PLA2G6: variants seen among roughly 807,000 people sequenced by gnomAD.
The protein encoded by PLA2G6 is phospholipase A2 group VI, also known as 85/88 kDa calcium-independent phospholipase A2.
Under a neutral mutation model 83.8 loss-of-function variants are expected in PLA2G6, and 62 were observed. The ratio of observed to expected loss-of-function variants is 0.74; its 90% CI spans 0.60 to 0.91. The LOEUF is 0.91. Among genes scored for constraint, PLA2G6 ranks in the 40% least tolerant of loss-of-function variants. The pLI is 0.00. For missense variants in PLA2G6, 944 were observed against 1,102.0 expected (o/e 0.86, Z 2.03); for synonymous variants, 417 against 449.8 (o/e 0.93, Z 0.92).
intron 2 of PLA2G6, among the ~76,000 whole-genome samples, chr22:38,154,501 C>T (rs1438546054): frequency 6.6e-6 from 1 of 152,222 alleles, no homozygotes; most frequent in African/African-American, 2.4e-5. Flanking sequence ...CCAAGACCAC[C>T]CAAGTGGTAC....
At chr22:38,178,240 G>A (rs894028609) in intron 1 of PLA2G6, among the ~76,000 whole-genome samples, 11 of 152,106 alleles carry the variant, frequency 7.2e-5, no homozygotes, top group Admixed American at 7.2e-4. Flanking sequence ...ATGGATTGTG[G>A]CAGGCATTGT....
rs1332123224 is a variant in PLA2G6 at position 38,164,055 on chromosome 22, G to A, written c.209+5163C>T. Among the ~76,000 whole-genome samples, 4 of 152,270 alleles carry A rather than the reference G, an allele frequency of 2.6e-5. No homozygotes were observed. In the East Asian group the frequency reaches 7.7e-4, roughly 29 times the overall value. On this transcript the variant is annotated intron_variant, in intron 2 of 16. Transcript: ENST00000332509. ...CTGCTGAGATACCAGTGAGAGGCTG[G>A]TTGATTTCATCAAATGTCATCTGTT...
chr22:38,148,565 C>T lies in PLA2G6; in HGVS notation c.210-2912G>A, dbSNP rs116604972. ...GCTGTTACTGGAGAGGATGGGCAGA[C>T]GAGCAGCACCAGTAACAGCCTCATG... On this transcript the variant is annotated intron_variant, in intron 2 of 16. Coordinates refer to ENST00000332509, the MANE Select transcript of PLA2G6 (RefSeq NM_003560.4). The T allele has an allele frequency of 4.3e-3, 3,091 of 717,072 alleles. 73 individuals carry two copies. The African/African-American group carries it at 0.048, about 11-fold the overall frequency. 44.4% of individuals were successfully genotyped at this position (717,072 alleles called of 1,614,324 possible).
intron 9 of PLA2G6, 99 bp from the exon 10 acceptor site, chr22:38,126,548 G>A (rs1348243592): frequency 4.8e-5 from 40 of 830,936 alleles, no homozygotes; most frequent in Non-Finnish European, 6.9e-5. Flanking sequence ...CCTCGCCCAC[G>A]GCCACGCCCT....
In PLA2G6 at chr22:38,111,510, A is replaced by G. The variant is rs1461074274; in HGVS notation, c.*651T>C. 1.2e-5 allele frequency: 2 copies of G among 161,732 alleles called. No homozygotes were observed. Among genetic ancestry groups the G allele is most frequent in the East Asian group, 3.7e-4 (2 of 5,440 alleles). 10.0% of individuals were successfully genotyped at this position (161,732 alleles called of 1,614,324 possible). A position where few individuals can be genotyped will look rare whatever the true frequency, so the allele number is the denominator to read the frequency against. ...ACAACACAGGTGAACTTGAATCCAAATGATTTATTTCAGTTTTGGCTCTTA... is the reference window on the plus strand; with the variant it reads ...ACAACACAGGTGAACTTGAATCCAAGTGATTTATTTCAGTTTTGGCTCTTA... On this transcript the variant is annotated 3_prime_UTR_variant, in exon 17 of 17. Transcript: ENST00000332509.
At chr22:38,180,563 C>T (rs988003411) in intron 1 of PLA2G6, among the ~76,000 whole-genome samples, 2 of 152,162 alleles carry the variant, frequency 1.3e-5, no homozygotes, top group Non-Finnish European at 1.5e-5. Flanking sequence ...AGGTGATGAA[C>T]AAACACTGCC....
At chr22:38,145,733 G>A (rs767784533) in intron 2 of PLA2G6, 80 bp from the exon 3 acceptor site, 2 of 950,924 alleles carry the variant, frequency 2.1e-6, no homozygotes, top group Non-Finnish European at 3.2e-6. Context: ...GGAATCAGAA[G>A]GTCCCCAGGC....
chr22:38,173,721 G>A (rs1267823267), intron 1 of PLA2G6, among the ~76,000 whole-genome samples: 2 of 152,124 alleles, frequency 1.3e-5, no homozygotes, highest in Non-Finnish European at 2.9e-5. Context: ...TCAAGAAACT[G>A]AGGCCCAGAG....
intron 2 of PLA2G6, chr22:38,147,273 A>G (rs2089310952): frequency 6.3e-6 from 1 of 158,706 alleles, no homozygotes; most frequent in East Asian, 1.9e-4. Context: ...CAAAACCATA[A>G]CCATTATATG....
chr22:38,166,918 G>C (rs1188634771), intron 2 of PLA2G6, among the ~76,000 whole-genome samples: 1 of 151,914 alleles, frequency 6.6e-6, no homozygotes, highest in South Asian at 2.1e-4. Context: ...CCACCTCCAC[G>C]GATTGGCAGA....
At chr22:38,164,306 C>T (rs1372798795) in intron 2 of PLA2G6, among the ~76,000 whole-genome samples, 2 of 152,164 alleles carry the variant, frequency 1.3e-5, no homozygotes, top group East Asian at 1.9e-4. Flanking sequence ...GAAAGGTAAA[C>T]GAGTGGGTTC....
At chr22:38,145,905 G>A (rs750389595) in intron 2 of PLA2G6, 20 of 494,516 alleles carry the variant, frequency 4.0e-5, no homozygotes, top group Non-Finnish European at 7.1e-5. Flanking sequence ...ACAAGGTCTT[G>A]CTCTGTAACC....
At chr22:38,127,299 AG>A in intron 9 of PLA2G6, 1 of 1,267,766 alleles carries the variant, frequency 7.9e-7, no homozygotes, top group Non-Finnish European at 1.0e-6. Context: ...GGTGCAGGGG[AG>A]GGGGCGTGTG....
rs1189276477 is a variant in PLA2G6 at position 38,113,589 on chromosome 22, T to G, written c.2100A>C (p.Gln700His). The G allele has an allele frequency of 6.2e-7, 1 of 1,613,328 alleles. No homozygotes were observed. Among genetic ancestry groups the G allele is most frequent in the African/African-American group, 1.3e-5 (1 of 74,906 alleles). Residue 700 changes from glutamine (Q) to histidine (H), a missense_variant, in exon 15 of 17, where the codon CAA (glutamine) becomes CAC (histidine). Coordinates refer to ENST00000332509, the MANE Select transcript of PLA2G6 (RefSeq NM_003560.4). ...AGACATCCACACAGGTCACAGGCACTTGTGGGGACCTCCCTGTCCCCAGGG... is the reference window on the plus strand; with the variant it reads ...AGACATCCACACAGGTCACAGGCACGTGTGGGGACCTCCCTGTCCCCAGGG... ...VVSLGTGRSP[Q>H]VPVTCVDVFR...
intron 1 of PLA2G6, among the ~76,000 whole-genome samples, chr22:38,181,290 CAGG>C (rs1443070899): frequency 1.3e-5 from 2 of 152,114 alleles, no homozygotes; most frequent in East Asian, 3.9e-4. Flanking sequence ...GGAGGAAAGG[CAGG>C]AGAAGCAGGG....
intron 2 of PLA2G6, among the ~76,000 whole-genome samples, chr22:38,159,071 C>T (rs577715154): frequency 1.7e-4 from 26 of 152,058 alleles, no homozygotes; most frequent in African/African-American, 4.6e-4. Flanking sequence ...TGGTGGTGGG[C>T]GCCTGTAATC....
At position 38,121,115 on chromosome 22, in the gene PLA2G6, C is replaced by A. The variant is rs140582878; in HGVS notation, c.1592-206G>T. 9.4e-4 allele frequency: 517 copies of A among 550,132 alleles called. 2 individuals carry two copies. Among genetic ancestry groups the A allele is most frequent in the African/African-American group, 8.9e-3 (470 of 52,702 alleles). The allele number at this position is 550,132 out of a possible 1,614,324, so 34.1% of individuals were successfully genotyped here. ...CCTTCCGGCTGGACATGGTGGCTCG[C>A]GCCTGTAATCCCAGCACTTTGGGAG... On this transcript the variant is annotated intron_variant, in intron 11 of 16. Transcript: ENST00000332509.
chr22:38,152,405 C>T (rs1478840322), intron 2 of PLA2G6, among the ~76,000 whole-genome samples: 1 of 147,800 alleles, frequency 6.8e-6, no homozygotes, highest in East Asian at 2.2e-4. Flanking sequence ...AGGGTTTCTC[C>T]ATGTTGGTCA....
Position 38,143,411 on chromosome 22 carries a change from A to G in PLA2G6, c.426-123T>C, listed in dbSNP as rs796246408. On this transcript the variant is annotated intron_variant, in intron 3 of 16. Transcript: ENST00000332509. ...GGACTTTCTGGTTTATTTGAGCTCA[A>G]GAGCATTCCCGCCACTCAGCTAGTT... The G allele has an allele frequency of 2.0e-5, 17 of 850,416 alleles. No homozygotes were observed. The African/African-American group carries it at 2.2e-4, about 11-fold the overall frequency. 52.7% of individuals were successfully genotyped at this position (850,416 alleles called of 1,614,324 possible). A position where few individuals can be genotyped will look rare whatever the true frequency, so the allele number is the denominator to read the frequency against.
Sources: allele counts gnomAD v4.1 joint callset (sites outside exome capture counted in the v4.1 genomes callset), GRCh38; gene constraint gnomAD v4.1.1; transcripts MANE v1.5; gene names NCBI Gene and HGNC (gene_info 2026-07-23, HGNC 2026-07-21).